LIMCH1: variants seen among roughly 807,000 people sequenced by gnomAD.
LIMCH1 encodes the protein LIM and calponin homology domains-containing protein 1.
In LIMCH1, 113 loss-of-function variants were observed where a neutral mutation model predicts 176.5. That is an observed-to-expected ratio of 0.64 (90% confidence interval 0.55 to 0.75). LIMCH1 has a LOEUF of 0.75. LIMCH1 is among the 30% of genes least tolerant of loss of function. The pLI, the probability that LIMCH1 is intolerant of heterozygous loss-of-function variation, is 0.00. For synonymous variants in LIMCH1, 619 were observed against 645.9 expected, an observed-to-expected ratio of 0.96 and a Z score of 0.63; for missense variants, 1,674 against 1,814.9, an observed-to-expected ratio of 0.92 and a Z score of 1.41.
chr4:41,478,480 G>A (rs1379848102), intron 1 of LIMCH1, among the ~76,000 whole-genome samples: 1 of 152,172 alleles, frequency 6.6e-6, no homozygotes, highest in Non-Finnish European at 1.5e-5. Context: ...TAACTTGTTT[G>A]GGTGAATTCT....
At chr4:41,539,285 T>C (rs2078321446) in intron 1 of LIMCH1, among the ~76,000 whole-genome samples, 1 of 151,914 alleles carries the variant, frequency 6.6e-6, no homozygotes, top group African/African-American at 2.4e-5. Flanking sequence ...ACTTCTCTCC[T>C]GCCACTCCCA....
chr4:41,415,850 G>T (rs1034566739), intron 1 of LIMCH1, among the ~76,000 whole-genome samples: 1 of 152,000 alleles, frequency 6.6e-6, no homozygotes, highest in African/African-American at 2.4e-5. Context: ...GGTGGCACGC[G>T]CCTGTAATCC....
intron 2 of LIMCH1, among the ~76,000 whole-genome samples, chr4:41,498,659 G>A (rs187828962): frequency 2.0e-5 from 3 of 152,282 alleles, no homozygotes; most frequent in South Asian, 2.1e-4. Flanking sequence ...GATGACTTAC[G>A]AGTCAAAAAG....
chr4:41,603,533 T>TG (rs1482575620), intron 2 of LIMCH1, among the ~76,000 whole-genome samples: 1 of 152,180 alleles, frequency 6.6e-6, no homozygotes, highest in Non-Finnish European at 1.5e-5. Context: ...AGTTTGACGG[T>TG]GGTCTATAAT....
At chr4:41,440,808 A>G (rs192766780) in intron 1 of LIMCH1, among the ~76,000 whole-genome samples, 1 of 152,306 alleles carries the variant, frequency 6.6e-6, no homozygotes, top group Admixed American at 6.5e-5. Context: ...TGCTGGGATT[A>G]TAGGTATAAG....
chr4:41,414,284 CT>C (rs1381753667), intron 1 of LIMCH1, among the ~76,000 whole-genome samples: 1 of 152,092 alleles, frequency 6.6e-6, no homozygotes, highest in Non-Finnish European at 1.5e-5. Flanking sequence ...TAGCCGAGTT[CT>C]TAGCATGAGA....
chr4:41,620,695 G>T lies in LIMCH1; in HGVS notation c.725+5G>T, dbSNP rs1272059540. 6.5e-6 allele frequency: 10 copies of T among 1,529,672 alleles called. No individual in the cohort carries two copies. Among genetic ancestry groups the T allele is most frequent in the Non-Finnish European group, 8.8e-6 (10 of 1,142,630 alleles). 94.8% of individuals were successfully genotyped at this position (1,529,672 alleles called of 1,614,324 possible). On this transcript the variant is annotated splice_donor_5th_base_variant and intron_variant, in intron 7 of 31. Coordinates refer to ENST00000503057, the MANE Select transcript of LIMCH1 (RefSeq NM_001330672.2). Reference sequence around the variant, plus strand: ...AGCAGCACAGCGCTTTGCCAGGTCAGCTCTGGGCTGAGGGCTGGCCCGGCT... The same window carrying T: ...AGCAGCACAGCGCTTTGCCAGGTCATCTCTGGGCTGAGGGCTGGCCCGGCT...
chr4:41,509,852 G>A (rs1047690301), intron 2 of LIMCH1, among the ~76,000 whole-genome samples: 1 of 152,208 alleles, frequency 6.6e-6, no homozygotes, highest in African/African-American at 2.4e-5. Context: ...ACTCAGCACA[G>A]TAGGGGTACT....
intron 1 of LIMCH1, among the ~76,000 whole-genome samples, chr4:41,412,843 A>G (rs1312745616): frequency 6.6e-6 from 1 of 152,128 alleles, no homozygotes; most frequent in African/African-American, 2.4e-5. Context: ...ATTAAAAGGG[A>G]AGATGTTCAT....
chr4:41,602,861 C>T (rs2090167309), intron 2 of LIMCH1, among the ~76,000 whole-genome samples: 2 of 151,906 alleles, frequency 1.3e-5, no homozygotes. Context: ...ATAAGGACAT[C>T]CCATTTTTTT....
In LIMCH1 at chr4:41,644,645, G is replaced by A; in HGVS notation, c.2253+19G>A. ...GCAAGATGTGAGTTGTGGCCAAGGC[G>A]CGCGGGCAGCGGGGAGGCTTCTGGC... is the stretch of plus-strand genomic sequence containing the variant. On this transcript the variant is annotated intron_variant, in intron 15 of 31. Transcript: ENST00000503057. 3 of 1,593,692 alleles carry A rather than the reference G, an allele frequency of 1.9e-6. No individual in the cohort carries two copies. Among genetic ancestry groups the A allele is most frequent in the East Asian group, 4.6e-5 (2 of 43,496 alleles).
intron 6 of LIMCH1, 137 bp from the exon 7 acceptor site, chr4:41,620,287 A>G (rs992171651): frequency 2.4e-5 from 20 of 839,686 alleles, no homozygotes; most frequent in Non-Finnish European, 3.6e-5. Flanking sequence ...TTTTCTTCAC[A>G]TTATCAGGAT....
At chr4:41,438,266 A>T (rs1229623615) in intron 1 of LIMCH1, among the ~76,000 whole-genome samples, 4 of 152,206 alleles carry the variant, frequency 2.6e-5, no homozygotes, top group Non-Finnish European at 5.9e-5. Context: ...AGGTTCAGAG[A>T]AGTAAAGGAA....
intron 1 of LIMCH1, among the ~76,000 whole-genome samples, chr4:41,432,470 G>A (rs1163769625): frequency 6.6e-6 from 1 of 152,148 alleles, no homozygotes; most frequent in East Asian, 1.9e-4. Context: ...AGAAGTAAGG[G>A]TAAAGATAGA....
At chr4:41,483,125 G>C (rs981910310) in intron 1 of LIMCH1, among the ~76,000 whole-genome samples, 1 of 152,100 alleles carries the variant, frequency 6.6e-6, no homozygotes, top group Non-Finnish European at 1.5e-5. Context: ...GATGCTGTGG[G>C]TAGAGGGGTA....
chr4:41,558,615 T>C (rs1285442660), intron 1 of LIMCH1, among the ~76,000 whole-genome samples: 2 of 152,118 alleles, frequency 1.3e-5, no homozygotes, highest in Non-Finnish European at 2.9e-5. Context: ...CCAGCTCACA[T>C]CACCTCACTG....
At chr4:41,418,431 G>A (rs529448880) in intron 1 of LIMCH1, among the ~76,000 whole-genome samples, 1 of 152,334 alleles carries the variant, frequency 6.6e-6, no homozygotes, top group South Asian at 2.1e-4. Context: ...CCACATGCAT[G>A]TACAGGACTA....
chr4:41,433,245 T>C (rs2061758124), intron 1 of LIMCH1, among the ~76,000 whole-genome samples: 1 of 152,230 alleles, frequency 6.6e-6, no homozygotes, highest in South Asian at 2.1e-4. Flanking sequence ...CTGCTTACTC[T>C]AGTCGTTTTG....
intron 2 of LIMCH1, among the ~76,000 whole-genome samples, chr4:41,514,075 C>T (rs531611546): frequency 6.0e-5 from 8 of 132,610 alleles, no homozygotes; most frequent in Non-Finnish European, 9.5e-5. Context: ...AGTTGTAAAT[C>T]GTTAGCAGGT....
Sources: gnomAD v4.1 joint callset for allele counts (sites outside exome capture counted in the v4.1 genomes callset) on GRCh38, gnomAD v4.1.1 for gene constraint, MANE v1.5 for transcripts, NCBI Gene and HGNC (gene_info 2026-07-23, HGNC 2026-07-21) for gene names.